UQCRC1: variants seen among roughly 807,000 people sequenced by gnomAD.
UQCRC1 encodes the protein ubiquinol-cytochrome c reductase core protein 1.
A neutral mutation model predicts 58.0 loss-of-function variants in UQCRC1; 34 were observed. The observed-to-expected ratio is 0.59, with a 90% CI of 0.45 to 0.78. The LOEUF is 0.78. UQCRC1 is among the 30% of genes least tolerant of loss of function. The probability of loss-of-function intolerance (pLI) is 0.00; values close to 1 mark genes in which losing one functional copy is unlikely to be tolerated. For synonymous variants in UQCRC1, 276 were observed against 248.8 expected, an observed-to-expected ratio of 1.11 and a Z score of -1.03; for missense variants, 610 against 646.0, an observed-to-expected ratio of 0.94 and a Z score of 0.60.
chr3:48,609,132 G>T (rs532359385), intron 2 of UQCRC1, 30 bp downstream of exon 2: 1 of 1,583,852 alleles, frequency 6.3e-7, no homozygotes, highest in Non-Finnish European at 8.6e-7. Context: ...CAACCTGGAG[G>T]CCCTCTCCCC....
chr3:48,599,320 G>A lies in UQCRC1; in HGVS notation c.1379-128C>T, dbSNP rs2046340017. 2.7e-6 allele frequency: 3 copies of A among 1,123,398 alleles called. No homozygotes were observed. In the Admixed American group the frequency reaches 7.4e-5, roughly 28 times the overall value. The allele number at this position is 1,123,398 out of a possible 1,614,324, so 69.6% of individuals were successfully genotyped here. ...AGACAGGCTTTGAGTGGAAAGAGAG[G>A]AGAGAACATTCCCCCAGGGGTGCTG... On this transcript the variant is annotated intron_variant, in intron 12 of 12. Transcript: ENST00000203407.
Position 48,600,728 on chromosome 3 carries a change from C to T in UQCRC1, c.1079G>A (p.Cys360Tyr). Reference protein sequence around the residue: ...ETGLLGAHFVCDRMKIDDMMF... With the variant: ...ETGLLGAHFVYDRMKIDDMMF... ...CATGTCATCGATTTTCATTCGGTCA[C>T]AGACAAAGTGTGCACCCAGCAAGCC... is the stretch of plus-strand genomic sequence containing the variant. The change falls in exon 9 of 13, where the codon TGT becomes TAT. Residue 360 changes from cysteine to tyrosine, a missense_variant. By Grantham distance (194) the Cys-to-Tyr change is radical. Transcript: ENST00000203407. The T allele has an allele frequency of 6.2e-7, 1 of 1,614,076 alleles. No individual in the cohort carries two copies. Among genetic ancestry groups the T allele is most frequent in the Non-Finnish European group, 8.5e-7 (1 of 1,179,942 alleles).
chr3:48,609,598 C>A lies in UQCRC1; in HGVS notation c.23G>T (p.Arg8Leu). 1.3e-6 allele frequency: 2 copies of A among 1,570,316 alleles called. No individual in the cohort carries two copies. Among genetic ancestry groups the A allele is most frequent in the African/African-American group, 1.3e-5 (1 of 74,130 alleles). Residue 8 changes from arginine (R) to leucine (L), a missense_variant, in exon 1 of 13, where the codon CGG (arginine) becomes CTG (leucine). By Grantham distance (102) the Arg-to-Leu change is moderately radical. Transcript: ENST00000203407. The part of the protein sequence containing the change: MAASVVC[R>L]AATAGAQVLL... ...CACTTGTGCCCCGGCGGTAGCGGCC[C>A]GACAGACCACGGACGCCGCCATCTT...
chr3:48,599,508 A>C, intron 12 of UQCRC1, 127 bp downstream of exon 12: 1 of 1,027,210 alleles, frequency 9.7e-7, no homozygotes, highest in Non-Finnish European at 1.4e-6. Flanking sequence ...GGGACTGGGG[A>C]GAGCTGCTTG....
Position 48,600,084 on chromosome 3 carries a change from A to T in UQCRC1, c.1281T>A (p.Ala427=), listed in dbSNP as rs758282397. 6.2e-7 allele frequency: 1 copy of T among 1,614,044 alleles called. No homozygotes were observed. The highest frequency in any genetic ancestry group is 1.3e-5 in the African/African-American group (1 of 74,924). The part of the protein sequence containing the change: ...LLTYGRRIPL[A]EWESRIAEVD... ...TTACCGCAATCCGGCTTTCCCATTCAGCCAGGGGGATGCGGCGGCCATAGG... is the reference window on the plus strand; with the variant it reads ...TTACCGCAATCCGGCTTTCCCATTCTGCCAGGGGGATGCGGCGGCCATAGG... Residue 427 remains alanine, a synonymous_variant, in exon 11 of 13, where the codon GCT becomes GCA. Transcript: ENST00000203407.
At position 48,600,965 on chromosome 3, in the gene UQCRC1, T is replaced by G. The variant is rs1411041785; in HGVS notation, c.966+10A>C. On this transcript the variant is annotated intron_variant, in intron 8 of 12. Coordinates refer to ENST00000203407, the MANE Select transcript of UQCRC1 (RefSeq NM_003365.3). ...TGAAGGCGAGGTCCCATGCTCGCGC[T>G]GGCACTCACCACGCCACCACCATAA... The G allele has an allele frequency of 1.2e-6, 2 of 1,603,202 alleles. No homozygotes were observed. The highest frequency in any genetic ancestry group is 1.7e-6 in the Non-Finnish European group (2 of 1,171,724).
intron 10 of UQCRC1, 32 bp downstream of exon 10, chr3:48,600,450 T>C: frequency 6.2e-7 from 1 of 1,613,244 alleles, no homozygotes. Context: ...CAAGATGTAC[T>C]CTACCCCTCC....
Position 48,599,078 on chromosome 3 carries a change from G to A in UQCRC1, c.*50C>T. The A allele has an allele frequency of 6.3e-6, 10 of 1,599,084 alleles. No homozygotes were observed. Among genetic ancestry groups the A allele is most frequent in the Non-Finnish European group, 8.6e-6 (10 of 1,168,906 alleles). ...CCGAAGTGCTGTGTTTGTGGTGGGG[G>A]GGGGACCACAAACCCCGGCCCTGCC... On this transcript the variant is annotated 3_prime_UTR_variant, in exon 13 of 13. Coordinates refer to ENST00000203407, the MANE Select transcript of UQCRC1 (RefSeq NM_003365.3).
Position 48,599,720 on chromosome 3 carries a change from G to A in UQCRC1, c.1303-10C>T, listed in dbSNP as rs376094933. 6.7e-5 allele frequency: 108 copies of A among 1,613,446 alleles called. No individual in the cohort carries two copies. In the South Asian group the frequency reaches 7.6e-4, roughly 11 times the overall value. ...CACTGGCATCCACCTCCTGCAGGGT[G>A]AGGCAGAGGGCATACTGGCTAACGG... On this transcript the variant is annotated splice_polypyrimidine_tract_variant and intron_variant, in intron 11 of 12. Coordinates refer to ENST00000203407, the MANE Select transcript of UQCRC1 (RefSeq NM_003365.3).
At chr3:48,599,816 T>C (rs1311840059) in intron 11 of UQCRC1, 106 bp from the exon 12 acceptor site, 3 of 1,277,202 alleles carry the variant, frequency 2.3e-6, no homozygotes, top group Admixed American at 3.5e-5. Context: ...AGCATGCAGC[T>C]GTCCCCAGCC....
rs181443725 is a variant in UQCRC1, at chr3:48,609,377, C to A, written c.70-75G>T. 2,617 of 1,545,622 alleles carry A rather than the reference C, an allele frequency of 1.7e-3. 70 individuals carry two copies. In the Admixed American group the frequency reaches 0.04, roughly 24 times the overall value. ...CCACCTCCCAGGTCCTCAGGAGGAC[C>A]CCCGAACCCCGCCCCTAGGCAAGCG... On this transcript the variant is annotated intron_variant, in intron 1 of 12. Coordinates refer to ENST00000203407, the MANE Select transcript of UQCRC1 (RefSeq NM_003365.3).
In UQCRC1 at chr3:48,599,715, A is replaced by G. The variant is rs2046344344; in HGVS notation, c.1303-5T>C. 2 of 1,613,636 alleles carry G rather than the reference A, an allele frequency of 1.2e-6. No homozygotes were observed. On this transcript the variant is annotated splice_polypyrimidine_tract_variant and splice_region_variant and intron_variant, in intron 11 of 12. Transcript: ENST00000203407. ...TACCACACTGGCATCCACCTCCTGC[A>G]GGGTGAGGCAGAGGGCATACTGGCT...
chr3:48,601,170 G>A, intron 7 of UQCRC1, 52 bp from the exon 8 acceptor site: 1 of 1,570,834 alleles, frequency 6.4e-7, no homozygotes, highest in Non-Finnish European at 8.7e-7. Context: ...CAGGGGAACA[G>A]AAAAGGTGGC....
At chr3:48,599,793 A>T in intron 11 of UQCRC1, 83 bp from the exon 12 acceptor site, 1 of 1,416,606 alleles carries the variant, frequency 7.1e-7, no homozygotes, top group Non-Finnish European at 1.0e-6. Context: ...ACTAGCAGAG[A>T]TCTCCCACAG....
chr3:48,599,048 A>G lies in UQCRC1; in HGVS notation c.*80T>C. On this transcript the variant is annotated 3_prime_UTR_variant, in exon 13 of 13. Coordinates refer to ENST00000203407, the MANE Select transcript of UQCRC1 (RefSeq NM_003365.3). ...GGTGGTCACCTGTGGCACAGGTTAGAGGAGCCGAAGTGCTGTGTTTGTGGT... is the reference window on the plus strand; with the variant it reads ...GGTGGTCACCTGTGGCACAGGTTAGGGGAGCCGAAGTGCTGTGTTTGTGGT... 6.5e-7 allele frequency: 1 copy of G among 1,532,822 alleles called. No individual in the cohort carries two copies. Among genetic ancestry groups the G allele is most frequent in the Non-Finnish European group, 9.0e-7 (1 of 1,115,704 alleles). The allele number at this position is 1,532,822 out of a possible 1,614,324, so 95.0% of individuals were successfully genotyped here.
intron 12 of UQCRC1, 110 bp from the exon 13 acceptor site, chr3:48,599,302 CTT>C (rs1278060082): frequency 8.7e-6 from 11 of 1,261,108 alleles, no homozygotes; most frequent in Non-Finnish European, 1.1e-5. Flanking sequence ...ACAAGACAGG[CTT>C]TGAGTGGAAA....
At chr3:48,601,993 G>A (rs569429262) in intron 6 of UQCRC1, among the ~76,000 whole-genome samples, 1 of 152,030 alleles carries the variant, frequency 6.6e-6, no homozygotes, top group Non-Finnish European at 1.5e-5. Flanking sequence ...AGGACTCCTT[G>A]GATCTTGCCT....
In UQCRC1 at chr3:48,599,175, G is replaced by C. The variant is rs772242009; in HGVS notation, c.1396C>G (p.Pro466Ala). ...VAGYGPIEQL[P>A]DYNRIRSGMF... Reference sequence around the variant, plus strand: ...CCGCTACGGATCCGGTTGTAGTCTGGGAGCTGCTCAATGGGGCCTGTGGGG... The same window carrying C: ...CCGCTACGGATCCGGTTGTAGTCTGCGAGCTGCTCAATGGGGCCTGTGGGG... The change falls in exon 13 of 13, where the codon CCA becomes GCA. Residue 466 changes from proline (P) to alanine (A), a missense_variant. Transcript: ENST00000203407. The C allele has an allele frequency of 6.2e-7, 1 of 1,609,324 alleles. No individual in the cohort carries two copies. Among genetic ancestry groups the C allele is most frequent in the Non-Finnish European group, 8.5e-7 (1 of 1,177,110 alleles).
chr3:48,609,254 G>A lies in UQCRC1; in HGVS notation c.118C>T (p.Gln40Ter). 2 of 1,612,690 alleles carry A rather than the reference G, an allele frequency of 1.2e-6. No homozygotes were observed. Among genetic ancestry groups the A allele is most frequent in the Non-Finnish European group, 1.7e-6 (2 of 1,179,636 alleles). ...PALRSTATFA[Q>*]ALQFVPETQV... is the part of the protein sequence containing the mutation. ...GTCTCCGGCACGAACTGGAGCGCCT[G>A]AGCGAAGGTTGCCGTACTCCGCAAG... is the stretch of plus-strand genomic sequence containing the variant. Residue 40 changes from glutamine (Q) to a stop codon, truncating the protein, a stop_gained, in exon 2 of 13, where the codon CAG becomes TAG. Coordinates refer to ENST00000203407, the MANE Select transcript of UQCRC1 (RefSeq NM_003365.3). LOFTEE classifies it high-confidence loss of function.
Sources: gnomAD v4.1 joint callset for allele counts (sites outside exome capture counted in the v4.1 genomes callset) on GRCh38, gnomAD v4.1.1 for gene constraint, MANE v1.5 for transcripts, NCBI Gene and HGNC (gene_info 2026-07-23, HGNC 2026-07-21) for gene names.